The following AGPAT5 variants were observed in gnomAD, a reference collection of about 807,000 sequenced individuals.
AGPAT5 encodes the protein 1-acyl-sn-glycerol-3-phosphate acyltransferase epsilon.
Under a neutral mutation model 45.6 loss-of-function variants are expected in AGPAT5, and 46 were observed. The observed-to-expected ratio is 1.01, with a 90% CI of 0.80 to 1.29. AGPAT5 has a LOEUF of 1.29. AGPAT5 is among the 50% of genes most tolerant of loss of function. The pLI, the probability that AGPAT5 is intolerant of heterozygous loss-of-function variation, is 0.00. For missense variants in AGPAT5, 673 were observed against 450.7 expected (o/e 1.49, Z -4.47); for synonymous variants, 272 against 167.0 (o/e 1.63, Z -4.85).
At chr8:6,743,901 A>C (rs1801330357) in intron 5 of AGPAT5, among the ~76,000 whole-genome samples, 1 of 152,162 alleles carries the variant, frequency 6.6e-6, no homozygotes, top group African/African-American at 2.4e-5. Flanking sequence ...CCAGATACCT[A>C]GAATTTCCAT....
intron 4 of AGPAT5, among the ~76,000 whole-genome samples, chr8:6,737,375 C>G (rs1272788001): frequency 1.3e-5 from 2 of 152,182 alleles, no homozygotes; most frequent in African/African-American, 4.8e-5. Flanking sequence ...GTGTGGCTTA[C>G]TAGTTCTCAT....
chr8:6,732,696 T>A (rs1297678903), intron 4 of AGPAT5, 46 bp downstream of exon 4: 1 of 1,417,152 alleles, frequency 7.1e-7, no homozygotes, highest in Non-Finnish European at 9.6e-7. Context: ...TCTCAGTTTC[T>A]AAATTTAAGA....
At chr8:6,709,684 T>A (rs1282508974) in intron 1 of AGPAT5, 2 of 152,144 alleles carry the variant, frequency 1.3e-5, no homozygotes, top group Non-Finnish European at 2.9e-5. Flanking sequence ...TAGGGTGGCA[T>A]GGGGAAATGG....
At chr8:6,729,611 C>G (rs973468190) in intron 2 of AGPAT5, among the ~76,000 whole-genome samples, 1 of 152,166 alleles carries the variant, frequency 6.6e-6, no homozygotes, top group African/African-American at 2.4e-5. Flanking sequence ...TCATTTGTCT[C>G]CTGAATTTCA....
At chr8:6,743,448 A>C (rs750004851) in intron 5 of AGPAT5, among the ~76,000 whole-genome samples, 3 of 152,230 alleles carry the variant, frequency 2.0e-5, no homozygotes, top group African/African-American at 7.2e-5. Context: ...CCTTCCATGC[A>C]TACACTCATA....
intron 1 of AGPAT5, among the ~76,000 whole-genome samples, chr8:6,717,956 G>A (rs1800385016): frequency 6.6e-6 from 1 of 152,180 alleles, no homozygotes; most frequent in South Asian, 2.1e-4. Flanking sequence ...AGAAACCTAG[G>A]TGTAATTCCT....
intron 1 of AGPAT5, among the ~76,000 whole-genome samples, chr8:6,711,718 C>G (rs191034759): frequency 1.9e-4 from 29 of 152,248 alleles, no homozygotes; most frequent in Middle Eastern, 3.4e-3. Flanking sequence ...ATTTTACTCC[C>G]TCTGGAGGCC....
At chr8:6,749,782 C>T (rs1339360484) in intron 6 of AGPAT5, among the ~76,000 whole-genome samples, 2 of 152,168 alleles carry the variant, frequency 1.3e-5, no homozygotes, top group African/African-American at 4.8e-5. Context: ...CAATGAAAAA[C>T]AGATAGACTC....
At chr8:6,725,270 G>A (rs1800647894) in intron 2 of AGPAT5, among the ~76,000 whole-genome samples, 1 of 152,148 alleles carries the variant, frequency 6.6e-6, no homozygotes, top group African/African-American at 2.4e-5. Flanking sequence ...TTGGTGGGTC[G>A]AAGTGTGTAT....
chr8:6,751,340 C>T (rs1286493778), intron 6 of AGPAT5, among the ~76,000 whole-genome samples: 2 of 152,088 alleles, frequency 1.3e-5, no homozygotes, highest in Admixed American at 1.3e-4. Context: ...TATGCCATGG[C>T]CCAGTGTTTC....
At chr8:6,734,642 C>A (rs1171593142) in intron 4 of AGPAT5, among the ~76,000 whole-genome samples, 1 of 152,132 alleles carries the variant, frequency 6.6e-6, no homozygotes, top group Non-Finnish European at 1.5e-5. Flanking sequence ...TGTGCTTTAT[C>A]TTGCCTTTGT....
intron 6 of AGPAT5, among the ~76,000 whole-genome samples, chr8:6,754,698 C>G (rs3824307): frequency 6.6e-6 from 1 of 152,034 alleles, no homozygotes; most frequent in Non-Finnish European, 1.5e-5. Context: ...CGGGTCCCTT[C>G]AGAGAGGTGA....
chr8:6,748,528 A>G (rs895428532), intron 6 of AGPAT5, among the ~76,000 whole-genome samples: 2 of 152,080 alleles, frequency 1.3e-5, no homozygotes, highest in African/African-American at 4.8e-5. Flanking sequence ...TTTTGAGACA[A>G]GAGTTTCGCT....
chr8:6,736,997 G>A (rs2116915683), intron 4 of AGPAT5, among the ~76,000 whole-genome samples: 1 of 152,278 alleles, frequency 6.6e-6, no homozygotes, highest in African/African-American at 2.4e-5. Context: ...GCCAACTCTT[G>A]GGTACTTTTA....
rs556436703 is a variant in AGPAT5, at chr8:6,746,675, T to C, written c.587-995T>C. ...TACGTGCTTGTGGGAATCTTTGTCT[T>C]TCCCACACCACCCTGCATTTTAAAA... is the stretch of plus-strand genomic sequence containing the variant. On this transcript the variant is annotated intron_variant, in intron 5 of 7. Transcript: ENST00000285518. Among the ~76,000 whole-genome samples the C allele has an allele frequency of 2.4e-4, 37 of 152,324 alleles. 1 individual carries two copies. The South Asian group carries it at 7.0e-3, about 29-fold the overall frequency.
chr8:6,747,915 A>G, intron 6 of AGPAT5, 87 bp downstream of exon 6: 2 of 1,392,438 alleles, frequency 1.4e-6, no homozygotes, highest in South Asian at 1.5e-5. Flanking sequence ...AAAGTAGGTT[A>G]AGTGTACTTT....
intron 1 of AGPAT5, among the ~76,000 whole-genome samples, chr8:6,711,853 ACT>A (rs1298219129): frequency 6.6e-6 from 1 of 150,404 alleles, no homozygotes; most frequent in East Asian, 1.9e-4. Context: ...CTCACATCTC[ACT>A]CTCCCTTTCT....
chr8:6,720,179 A>G (rs1450898154), intron 1 of AGPAT5, among the ~76,000 whole-genome samples: 2 of 152,278 alleles, frequency 1.3e-5, no homozygotes, highest in South Asian at 2.1e-4. Context: ...CAGGATGACC[A>G]TGTGCTGTGG....
At chr8:6,710,577 T>G (rs1029509384) in intron 1 of AGPAT5, among the ~76,000 whole-genome samples, 1 of 152,236 alleles carries the variant, frequency 6.6e-6, no homozygotes, top group African/African-American at 2.4e-5. Context: ...CAAGAGTTTC[T>G]TGTTCCTGCA....
Sources: gnomAD v4.1 joint callset for allele counts (sites outside exome capture counted in the v4.1 genomes callset) on GRCh38, gnomAD v4.1.1 for gene constraint, MANE v1.5 for transcripts, NCBI Gene and HGNC (gene_info 2026-07-23, HGNC 2026-07-21) for gene names.